Variants in GLRA2 observed in about 807,000 individuals in gnomAD.
GLRA2 encodes glycine receptor subunit alpha-2.
Under a neutral mutation model 31.6 loss-of-function variants are expected in GLRA2, and 11 were observed. The ratio of observed to expected loss-of-function variants is 0.35; its 90% CI spans 0.22 to 0.58. The LOEUF (loss-of-function observed/expected upper bound fraction) is 0.58. GLRA2 is among the 20% of genes least tolerant of loss of function. The pLI, the probability that GLRA2 is intolerant of heterozygous loss-of-function variation, is 0.84. For synonymous variants in GLRA2, 132 were observed against 134.0 expected, an observed-to-expected ratio of 0.99 and a Z score of 0.10; for missense variants, 212 against 351.8, an observed-to-expected ratio of 0.60 and a Z score of 3.18.
chrX:14,607,284 T>C lies in GLRA2; in HGVS notation c.715+16T>C. 1.7e-6 allele frequency: 2 copies of C among 1,154,357 alleles called. No individual in the cohort carries two copies. The highest frequency in any genetic ancestry group is 2.3e-6 in the Non-Finnish European group (2 of 863,054). On this transcript the variant is annotated intron_variant, in intron 6 of 8. Transcript: ENST00000218075. ...TACAACACTGGTAAGTTTCTTTTTTTTTTTTTTTCAGCTGTTAAACACAAG... is the reference window on the plus strand; with the variant it reads ...TACAACACTGGTAAGTTTCTTTTTTCTTTTTTTTCAGCTGTTAAACACAAG...
chrX:14,568,736 G>GCA (rs1376218174), intron 2 of GLRA2, among the ~76,000 whole-genome samples: 1 of 108,705 alleles, frequency 9.2e-6, no homozygotes, highest in African/African-American at 3.3e-5. Flanking sequence ...AATAGTGCTG[G>GCA]CACAACTGAA....
intron 2 of GLRA2, among the ~76,000 whole-genome samples, chrX:14,537,359 A>G (rs1028594980): frequency 5.4e-5 from 6 of 111,350 alleles, no homozygotes; most frequent in Non-Finnish European, 1.1e-4. Flanking sequence ...TGCTTCTTGA[A>G]TGCTCATCAT....
chrX:14,719,312 G>A (rs1191470990), intron 8 of GLRA2, among the ~76,000 whole-genome samples: 2 of 111,478 alleles, frequency 1.8e-5, no homozygotes, highest in African/African-American at 6.5e-5. Flanking sequence ...TCCAATAAGG[G>A]ATCAATATCA....
chrX:14,714,976 A>G (rs2091765258), intron 8 of GLRA2, among the ~76,000 whole-genome samples: 1 of 112,329 alleles, frequency 8.9e-6, no homozygotes, highest in South Asian at 3.7e-4. Context: ...GTTAACTGAT[A>G]AGATCGAAAT....
intron 7 of GLRA2, among the ~76,000 whole-genome samples, chrX:14,616,842 G>A (rs1474222910): frequency 8.9e-6 from 1 of 111,976 alleles, no homozygotes; most frequent in Admixed American, 9.5e-5. Context: ...AAGTAAGAAA[G>A]CCAAGCAAAT....
the GLRA2 span, among the ~76,000 whole-genome samples, chrX:14,503,622 G>A: frequency 9.0e-6 from 1 of 111,656 alleles, no homozygotes; most frequent in East Asian, 2.8e-4. Flanking sequence ...TCTCTTCAAT[G>A]CCAACAGCCA....
chrX:14,562,285 G>T (rs2089743416), intron 2 of GLRA2, among the ~76,000 whole-genome samples: 1 of 112,052 alleles, frequency 8.9e-6, no homozygotes, highest in Non-Finnish European at 1.9e-5. Flanking sequence ...TCAAGAAAAA[G>T]GTAACTTCGA....
chrX:14,454,930 C>T, the GLRA2 span, among the ~76,000 whole-genome samples: 1 of 112,223 alleles, frequency 8.9e-6, no homozygotes, highest in South Asian at 3.7e-4. Context: ...ATTTATTCAA[C>T]ATTTCTAATT....
At chrX:14,539,339 C>T (rs1272129684) in intron 2 of GLRA2, among the ~76,000 whole-genome samples, 2 of 111,162 alleles carry the variant, frequency 1.8e-5, no homozygotes, top group Non-Finnish European at 3.8e-5. Context: ...GGAATTAACG[C>T]CTAGGATGCT....
intron 2 of GLRA2, among the ~76,000 whole-genome samples, chrX:14,558,979 C>G (rs2089688346): frequency 9.0e-6 from 1 of 110,936 alleles, no homozygotes; most frequent in Non-Finnish European, 1.9e-5. Flanking sequence ...TGCCCACCAC[C>G]ATGCCAGGCT....
intron 7 of GLRA2, among the ~76,000 whole-genome samples, chrX:14,678,805 T>G (rs933182124): frequency 9.0e-6 from 1 of 111,139 alleles, no homozygotes; most frequent in Non-Finnish European, 1.9e-5. Flanking sequence ...CTTGACAAAA[T>G]AAAAATTTCC....
At chrX:14,502,480 A>C in the GLRA2 span, among the ~76,000 whole-genome samples, 5 of 111,729 alleles carry the variant, frequency 4.5e-5, no homozygotes, top group Non-Finnish European at 9.4e-5. Context: ...GTATTTATTG[A>C]GTATTTACTG....
intron 8 of GLRA2, among the ~76,000 whole-genome samples, chrX:14,710,625 T>C (rs7884331): frequency 0.029 from 3,289 of 111,788 alleles, 94 homozygotes; most frequent in African/African-American, 0.087. Flanking sequence ...CAAAGATAAT[T>C]GAAAGAGGAA....
At chrX:14,666,139 T>C (rs770498944) in intron 7 of GLRA2, among the ~76,000 whole-genome samples, 4 of 112,351 alleles carry the variant, frequency 3.6e-5, no homozygotes, top group Non-Finnish European at 7.5e-5. Context: ...TTCATAATGT[T>C]ACTCATTAAT....
At chrX:14,569,130 C>T (rs1270804148) in intron 2 of GLRA2, among the ~76,000 whole-genome samples, 1 of 110,740 alleles carries the variant, frequency 9.0e-6, no homozygotes, top group East Asian at 2.8e-4. Flanking sequence ...TGGTGGGTGC[C>T]TGTAATCCCA....
the GLRA2 span, among the ~76,000 whole-genome samples, chrX:14,463,715 A>G: frequency 1.5e-4 from 16 of 109,592 alleles, no homozygotes; most frequent in Non-Finnish European, 2.9e-4. Context: ...CCAGTTGTGA[A>G]GACCATGCGA....
intron 7 of GLRA2, among the ~76,000 whole-genome samples, chrX:14,664,091 A>G (rs1295772414): frequency 9.0e-6 from 1 of 110,618 alleles, no homozygotes; most frequent in Non-Finnish European, 1.9e-5. Flanking sequence ...CCTTTATTCT[A>G]TTTTCCCCTA....
intron 7 of GLRA2, among the ~76,000 whole-genome samples, chrX:14,609,943 T>C (rs1239926151): frequency 1.8e-5 from 2 of 111,035 alleles, no homozygotes; most frequent in Non-Finnish European, 3.8e-5. Context: ...TCTATTTTTA[T>C]AAAAAGAAGG....
Position 14,723,238 on chromosome X carries a change from TTCTC to T in GLRA2, c.1081-6968_1081-6965del, listed in dbSNP as rs1318576587. Reference sequence around the variant, plus strand: ...ATGTGATCCTCTTTTGGTGTCTTCTTTCTCATTGAATGGCATTAATATCCATCTA... The same window carrying T: ...ATGTGATCCTCTTTTGGTGTCTTCTTATTGAATGGCATTAATATCCATCTA... On this transcript the variant is annotated intron_variant, in intron 8 of 8. Coordinates refer to ENST00000218075, the MANE Select transcript of GLRA2 (RefSeq NM_002063.4). 2.7e-5 allele frequency among the ~76,000 whole-genome samples: 3 copies of T among 112,299 alleles called. No individual in the cohort carries two copies. In the Admixed American group the frequency reaches 2.8e-4, roughly 11 times the overall value.
Sources: gnomAD v4.1 joint callset for allele counts (sites outside exome capture counted in the v4.1 genomes callset) on GRCh38, gnomAD v4.1.1 for gene constraint, MANE v1.5 for transcripts, NCBI Gene and HGNC (gene_info 2026-07-23, HGNC 2026-07-21) for gene names.